Variants in WWOX observed in about 807,000 individuals in gnomAD.
WWOX encodes WW domain containing oxidoreductase, also known as WW domain-containing oxidoreductase.
In WWOX, 69 loss-of-function variants were observed where a neutral mutation model predicts 46.2. That is an observed-to-expected ratio of 1.49 (90% CI 1.23 to 1.82). The LOEUF (loss-of-function observed/expected upper bound fraction) is 1.82. WWOX is among the 40% of genes most tolerant of loss of function. WWOX has a pLI of 0.00. For synonymous variants in WWOX, 359 were observed against 202.6 expected (o/e 1.77, Z -6.56); for missense variants, 919 against 542.6 (o/e 1.69, Z -6.89).
intron 8 of WWOX, among the ~76,000 whole-genome samples, chr16:79,172,813 C>G (rs2050726352): frequency 6.6e-6 from 1 of 151,706 alleles, no homozygotes; most frequent in African/African-American, 2.4e-5. Context: ...ATCACTTGAG[C>G]CTAGAAGTTT....
chr16:78,412,477 A>C (rs921410969), intron 6 of WWOX, among the ~76,000 whole-genome samples: 2 of 152,178 alleles, frequency 1.3e-5, no homozygotes, highest in East Asian at 3.9e-4. Context: ...ATTTGGAAGA[A>C]ACTGCTGCAG....
At chr16:78,194,876 C>T (rs532301022) in intron 5 of WWOX, among the ~76,000 whole-genome samples, 13 of 152,310 alleles carry the variant, frequency 8.5e-5, no homozygotes, top group South Asian at 2.1e-4. Context: ...AACTGTCTTA[C>T]GTGTTCCATT....
intron 8 of WWOX, among the ~76,000 whole-genome samples, chr16:78,884,288 A>C (rs1019761156): frequency 6.7e-6 from 1 of 150,182 alleles, no homozygotes; most frequent in Non-Finnish European, 1.5e-5. Flanking sequence ...AAAAAAAAAA[A>C]AAAAACAAAA....
chr16:78,864,522 G>C (rs531508279), intron 8 of WWOX, among the ~76,000 whole-genome samples: 1 of 152,148 alleles, frequency 6.6e-6, no homozygotes, highest in South Asian at 2.1e-4. Context: ...GCCTGCCTTG[G>C]CCTCCCAAAA....
chr16:78,817,172 CTTTTTTTTTTTTTTTT>C (rs33981779), intron 8 of WWOX, among the ~76,000 whole-genome samples: 120 of 51,588 alleles, frequency 2.3e-3, no homozygotes, highest in African/African-American at 8.3e-3. Flanking sequence ...TAGTGCTATT[CTTTTTTTTTTTTTTTT>C]TTTTTTTTTT....
At chr16:79,027,465 C>G (rs2550701) in intron 8 of WWOX, among the ~76,000 whole-genome samples, 90,440 of 151,364 alleles carry the variant, frequency 0.6, 27,785 homozygotes, top group East Asian at 0.88. Context: ...TTTATTGATA[C>G]TAAGAAGAGC....
At chr16:78,421,004 A>G (rs2082915020) in intron 6 of WWOX, among the ~76,000 whole-genome samples, 1 of 151,874 alleles carries the variant, frequency 6.6e-6, no homozygotes. Flanking sequence ...TTATTTATCC[A>G]CTTCTCTGTT....
chr16:78,362,634 G>C (rs914312640), intron 5 of WWOX, among the ~76,000 whole-genome samples: 1 of 151,864 alleles, frequency 6.6e-6, no homozygotes, highest in South Asian at 2.1e-4. Context: ...AAAAAGAAAA[G>C]AAAGGAAAAA....
At chr16:78,612,768 C>T (rs2045930875) in intron 8 of WWOX, among the ~76,000 whole-genome samples, 1 of 152,178 alleles carries the variant, frequency 6.6e-6, no homozygotes, top group Non-Finnish European at 1.5e-5. Context: ...TGAGCCACCC[C>T]ACCCAGCCCA....
At chr16:78,105,803 T>C (rs1165667567) in intron 1 of WWOX, among the ~76,000 whole-genome samples, 2 of 152,118 alleles carry the variant, frequency 1.3e-5, no homozygotes, top group African/African-American at 4.8e-5. Context: ...TTTGTGGATT[T>C]TTTTATTTTT....
At chr16:78,358,069 A>G (rs1049793172) in intron 5 of WWOX, among the ~76,000 whole-genome samples, 6 of 152,216 alleles carry the variant, frequency 3.9e-5, no homozygotes, top group African/African-American at 1.4e-4. Context: ...ATCTTTCTGC[A>G]TACACTTGGA....
chr16:79,001,588 A>G (rs771648248), intron 8 of WWOX, among the ~76,000 whole-genome samples: 1 of 152,040 alleles, frequency 6.6e-6, no homozygotes, highest in African/African-American at 2.4e-5. Context: ...TTTGCCCCTT[A>G]TACATTAAGG....
intron 8 of WWOX, among the ~76,000 whole-genome samples, chr16:79,161,563 C>T (rs1424561607): frequency 6.6e-6 from 1 of 152,106 alleles, no homozygotes; most frequent in East Asian, 1.9e-4. Context: ...TGTTCCATTG[C>T]CCAGGCTGGA....
intron 8 of WWOX, among the ~76,000 whole-genome samples, chr16:78,565,562 C>G (rs955357289): frequency 6.6e-6 from 1 of 152,158 alleles, no homozygotes; most frequent in Non-Finnish European, 1.5e-5. Context: ...TTGGGAATAC[C>G]CAGATAATCT....
intron 8 of WWOX, among the ~76,000 whole-genome samples, chr16:78,613,934 G>C (rs1035915500): frequency 2.0e-5 from 3 of 152,196 alleles, no homozygotes; most frequent in Non-Finnish European, 4.4e-5. Context: ...TTGCTATACA[G>C]CTGTACCTGT....
intron 8 of WWOX, among the ~76,000 whole-genome samples, chr16:78,444,029 G>T (rs1266395578): frequency 1.3e-5 from 2 of 152,162 alleles, no homozygotes; most frequent in African/African-American, 2.4e-5. Context: ...ATTTTTCCCT[G>T]TGAGGTGTAA....
intron 8 of WWOX, among the ~76,000 whole-genome samples, chr16:78,453,549 T>A (rs763490715): frequency 3.3e-5 from 5 of 152,248 alleles, no homozygotes; most frequent in Non-Finnish European, 7.4e-5. Context: ...TTTGTTCAAG[T>A]TATATTGTGC....
At chr16:78,883,469 A>T (rs1181505999) in intron 8 of WWOX, among the ~76,000 whole-genome samples, 2 of 152,166 alleles carry the variant, frequency 1.3e-5, no homozygotes, top group Non-Finnish European at 2.9e-5. Flanking sequence ...TATGCCCGAA[A>T]TCCCAGCATT....
In WWOX at chr16:79,212,298, C is replaced by T; in HGVS notation, c.*502C>T. On this transcript the variant is annotated 3_prime_UTR_variant, in exon 9 of 9. Transcript: ENST00000566780. ...GACCAAGACTGAGCCAGCTTAGCAA[C>T]TGCTGGGGAGACAAATCTCAGAACC... 2.0e-6 allele frequency: 2 copies of T among 995,608 alleles called. No homozygotes were observed. Among genetic ancestry groups the T allele is most frequent in the Non-Finnish European group, 2.8e-6 (2 of 704,050 alleles). The allele number at this position is 995,608 out of a possible 1,614,324, so 61.7% of individuals were successfully genotyped here.
Sources: gnomAD v4.1 joint callset for allele counts (sites outside exome capture counted in the v4.1 genomes callset) on GRCh38, gnomAD v4.1.1 for gene constraint, MANE v1.5 for transcripts, NCBI Gene and HGNC (gene_info 2026-07-23, HGNC 2026-07-21) for gene names.